ZNF595: variants seen among roughly 807,000 people sequenced by gnomAD.
The protein encoded by ZNF595 is zinc finger protein 595.
In ZNF595, 9 loss-of-function variants were observed where a neutral mutation model predicts 19.4. The observed-to-expected ratio is 0.46, with a 90% CI of 0.28 to 0.81. The LOEUF is 0.81. Ranked by LOEUF, ZNF595 falls within the 30% of genes least tolerant of loss-of-function variation. The probability of loss-of-function intolerance (pLI) is 0.11; values close to 1 mark genes in which losing one functional copy is unlikely to be tolerated. For synonymous variants in ZNF595, 255 were observed against 255.9 expected (o/e 1.00, Z 0.03); for missense variants, 729 against 736.0 (o/e 0.99, Z 0.11).
intron 3 of ZNF595, among the ~76,000 whole-genome samples, chr4:71,020 G>A (rs1170474962): frequency 2.0e-5 from 3 of 151,972 alleles, no homozygotes; most frequent in African/African-American, 7.3e-5. Context: ...TAAATTTCTT[G>A]CATCAGTATT....
intron 3 of ZNF595, among the ~76,000 whole-genome samples, chr4:70,608 G>T (rs1713388312): frequency 6.6e-6 from 1 of 152,158 alleles, no homozygotes; most frequent in African/African-American, 2.4e-5. Flanking sequence ...AGAGTTCTGG[G>T]ATTAGGCATG....
intron 3 of ZNF595, among the ~76,000 whole-genome samples, chr4:82,372 G>GTTTTTT (rs34932652): frequency 9.8e-4 from 84 of 85,892 alleles, no homozygotes; most frequent in East Asian, 2.7e-3. Context: ...TTGGTTTGTG[G>GTTTTTT]TTTTTTTTTT....
At chr4:74,388 T>C (rs1039810232) in intron 3 of ZNF595, among the ~76,000 whole-genome samples, 1 of 152,258 alleles carries the variant, frequency 6.6e-6, no homozygotes, top group Admixed American at 6.5e-5. Context: ...TCTGTCTGAA[T>C]GATGTGTTGT....
At chr4:81,550 CA>C (rs1239785659) in intron 3 of ZNF595, among the ~76,000 whole-genome samples, 18 of 152,256 alleles carry the variant, frequency 1.2e-4, no homozygotes, top group African/African-American at 4.1e-4. Flanking sequence ...TTTTGATTGT[CA>C]ACACATAAAC....
chr4:71,267 A>G (rs1713421462), intron 3 of ZNF595, among the ~76,000 whole-genome samples: 1 of 152,246 alleles, frequency 6.6e-6, no homozygotes, highest in Admixed American at 6.5e-5. Flanking sequence ...CATCATCTGC[A>G]AACAAAGATA....
chr4:71,667 A>G (rs782327489), intron 3 of ZNF595, among the ~76,000 whole-genome samples: 5 of 152,190 alleles, frequency 3.3e-5, no homozygotes, highest in Admixed American at 6.5e-5. Flanking sequence ...CCCTGATGCT[A>G]AAGCACTCTT....
chr4:81,183 A>G (rs1345633610), intron 3 of ZNF595, among the ~76,000 whole-genome samples: 3 of 152,204 alleles, frequency 2.0e-5, no homozygotes, highest in Non-Finnish European at 4.4e-5. Context: ...TATGGCTGCA[A>G]GAGCAGAAAA....
chr4:69,426 A>C (rs975601425), intron 3 of ZNF595, among the ~76,000 whole-genome samples: 1 of 152,192 alleles, frequency 6.6e-6, no homozygotes, highest in South Asian at 2.1e-4. Flanking sequence ...CTTTTGGATA[A>C]GAGCCATTGT....
chr4:84,305 T>C (rs1408857819), intron 3 of ZNF595, among the ~76,000 whole-genome samples: 1 of 152,216 alleles, frequency 6.6e-6, no homozygotes, highest in Non-Finnish European at 1.5e-5. Context: ...AAAAAGTTAC[T>C]TATTTTCATA....
Position 87,608 on chromosome 4 carries a change from T to G in ZNF595, c.*157T>G. On this transcript the variant is annotated 3_prime_UTR_variant, in exon 4 of 4. Coordinates refer to ENST00000610261, the MANE Select transcript of ZNF595 (RefSeq NM_182524.4). ...TGTATCTATTCATGGCTTATTTGGATTATTTTGATACAGGCATATGACATG... is the reference window on the plus strand; with the variant it reads ...TGTATCTATTCATGGCTTATTTGGAGTATTTTGATACAGGCATATGACATG... 3.4e-6 allele frequency: 2 copies of G among 580,442 alleles called. No individual in the cohort carries two copies. Among genetic ancestry groups the G allele is most frequent in the Non-Finnish European group, 5.5e-6 (2 of 361,364 alleles). 36.0% of individuals were successfully genotyped at this position (580,442 alleles called of 1,614,324 possible).
In ZNF595 at chr4:87,312, G is replaced by C; in HGVS notation, c.1808G>C (p.Trp603Ser). The stretch of plus-strand genomic sequence containing the variant: ...GAAGAATGTGGCAAAGCCTTCAATT[G>C]GTCCTCATCCCTTACTAAACATAAG... ...TCEECGKAFN[W>S]SSSLTKHKII... The change falls in exon 4 of 4, where the codon TGG becomes TCG. Residue 603 changes from tryptophan (W) to serine (S), a missense_variant. Around this residue, in one of 2 missense-constraint regions of ZNF595, gnomAD observed 729 missense variants for 675.3 expected, o/e 1.08. Transcript: ENST00000610261. 1 of 1,613,100 alleles carries C rather than the reference G, an allele frequency of 6.2e-7. No homozygotes were observed. The highest frequency in any genetic ancestry group is 8.5e-7 in the Non-Finnish European group (1 of 1,179,652).
rs1553802216 is a variant in ZNF595 at position 87,582 on chromosome 4, G to A, written c.*131G>A. The A allele has an allele frequency of 2.6e-6, 2 of 758,204 alleles. No homozygotes were observed. Among genetic ancestry groups the A allele is most frequent in the South Asian group, 3.0e-5 (1 of 33,496 alleles). The allele number at this position is 758,204 out of a possible 1,614,324, so 47.0% of individuals were successfully genotyped here. A position where few individuals can be genotyped will look rare whatever the true frequency, so the allele number is the denominator to read the frequency against. ...TAAAATTTCTGTAGGTACATAGTAT[G>A]TGTATCTATTCATGGCTTATTTGGA... On this transcript the variant is annotated 3_prime_UTR_variant, in exon 4 of 4. Coordinates refer to ENST00000610261, the MANE Select transcript of ZNF595 (RefSeq NM_182524.4).
Position 86,611 on chromosome 4 carries a change from A to C in ZNF595, c.1107A>C (p.Lys369Asn), listed in dbSNP as rs1560095360. ...TTCATTCTGAACAAAAACTTTACAA[A>C]TGTGAAGAATGTGGCAAAGCCTTTA... is the stretch of plus-strand genomic sequence containing the variant. ...RSIHSEQKLY[K>N]CEECGKAFTW... Residue 369 changes from lysine to asparagine, a missense_variant, in exon 4 of 4, where the codon AAA becomes AAC. Coordinates refer to ENST00000610261, the MANE Select transcript of ZNF595 (RefSeq NM_182524.4). The C allele has an allele frequency of 6.2e-7, 1 of 1,613,462 alleles. No homozygotes were observed. Among genetic ancestry groups the C allele is most frequent in the Non-Finnish European group, 8.5e-7 (1 of 1,179,764 alleles).
intron 3 of ZNF595, among the ~76,000 whole-genome samples, chr4:76,941 C>T (rs1426825766): frequency 2.0e-5 from 3 of 152,024 alleles, no homozygotes; most frequent in African/African-American, 4.8e-5. Flanking sequence ...TTATTAGTTC[C>T]TTCTGCTATA....
rs782062007 is a variant in ZNF595 at position 87,464 on chromosome 4, G to A, written c.*13G>A. ...GGAACATAGTTGAATGACATTTCTA[G>A]TAATCTCTAATTCCAGTGTCTTTAC... On this transcript the variant is annotated 3_prime_UTR_variant, in exon 4 of 4. Transcript: ENST00000610261. 1 of 1,542,794 alleles carries A rather than the reference G, an allele frequency of 6.5e-7. No individual in the cohort carries two copies. The highest frequency in any genetic ancestry group is 1.3e-5 in the South Asian group (1 of 78,632).
intron 3 of ZNF595, among the ~76,000 whole-genome samples, chr4:82,488 G>A (rs782269205): frequency 6.9e-5 from 10 of 145,148 alleles, no homozygotes; most frequent in African/African-American, 2.3e-4. Flanking sequence ...AGGTTCAAGC[G>A]ATTCTCCTGC....
At chr4:63,775 C>G (rs1581327159) in intron 3 of ZNF595, among the ~76,000 whole-genome samples, 1 of 151,068 alleles carries the variant, frequency 6.6e-6, no homozygotes, top group Non-Finnish European at 1.5e-5. Context: ...CAGCTATGAC[C>G]TTTCTTCTCA....
chr4:60,983 T>A (rs1712834472), intron 3 of ZNF595, among the ~76,000 whole-genome samples: 1 of 152,184 alleles, frequency 6.6e-6, no homozygotes, highest in African/African-American at 2.4e-5. Context: ...CACTTAAAAT[T>A]ATAAAATACA....
rs9991034 is a variant in ZNF595, at chr4:78,082, C to T, written c.227-7649C>T. Among the ~76,000 whole-genome samples, 976 of 152,218 alleles carry T rather than the reference C, an allele frequency of 6.4e-3. 14 individuals are homozygous for T. The highest frequency in any genetic ancestry group is 0.022 in the African/African-American group (923 of 41,520). On this transcript the variant is annotated intron_variant, in intron 3 of 3. Transcript: ENST00000610261. The stretch of plus-strand genomic sequence containing the variant: ...GGAGTGCAGTGGCGCGATCTCGGCT[C>T]ACTGTAAGCTCCGCCTTCCTGGTTC...
Sources: allele counts gnomAD v4.1 joint callset (sites outside exome capture counted in the v4.1 genomes callset), GRCh38; gene constraint gnomAD v4.1.1; regional missense constraint gnomAD v4.1.1; transcripts MANE v1.5; gene names NCBI Gene and HGNC (gene_info 2026-07-23, HGNC 2026-07-21).